Variants in CERS2 observed in about 807,000 individuals in gnomAD.
CERS2 encodes the protein ceramide synthase 2, also known as LAG1 homolog, ceramide synthase 2.
In CERS2, 20 loss-of-function variants were observed where a neutral mutation model predicts 56.6. The observed-to-expected ratio is 0.35, with a 90% CI of 0.25 to 0.51. The LOEUF is 0.51. Among genes scored for constraint, CERS2 ranks in the 20% least tolerant of loss-of-function variants. CERS2 has a pLI of 0.96. For missense variants in CERS2, 361 were observed against 488.6 expected, an observed-to-expected ratio of 0.74 and a Z score of 2.46; for synonymous variants, 187 against 175.4, an observed-to-expected ratio of 1.07 and a Z score of -0.52.
Position 150,967,157 on chromosome 1 carries a change from T to C in CERS2, c.658A>G (p.Ile220Val), listed in dbSNP as rs1355832020. The C allele has an allele frequency of 6.2e-7, 1 of 1,612,938 alleles. No homozygotes were observed. The highest frequency in any genetic ancestry group is 1.7e-5 in the Admixed American group (1 of 60,018). Residue 220 changes from isoleucine (I) to valine (V), a missense_variant, in exon 8 of 11, where the codon ATC (isoleucine) becomes GTC (valine). Physicochemically the swap from Ile to Val is conservative, Grantham distance 29. Coordinates refer to ENST00000368954, the MANE Select transcript of CERS2 (RefSeq NM_022075.5). The stretch of plus-strand genomic sequence containing the variant: ...TAATTGGCAAACCAGGAAAAGCTGA[T>C]GAGAATGATGGTGGCCACATGGTGG... ...IIHHVATIIL[I>V]SFSWFANYIR...
intron 1 of CERS2, among the ~76,000 whole-genome samples, chr1:150,973,644 G>C (rs1456708332): frequency 6.6e-6 from 1 of 152,198 alleles, no homozygotes; most frequent in Non-Finnish European, 1.5e-5. Flanking sequence ...CCCCGGTGCG[G>C]TCATCCCGAC....
chr1:150,966,270 T>C lies in CERS2; in HGVS notation c.1021A>G (p.Ser341Gly). The change falls in exon 11 of 11, where the codon AGT becomes GGT. Residue 341 changes from serine to glycine, a missense_variant. Ser to Gly is a moderately conservative substitution (Grantham distance 56). Transcript: ENST00000368954. The stretch of plus-strand genomic sequence containing the variant: ...GAGCTCTCTGTTTCTTCCCGGTCAC[T>C]GCGTTCATCTTCTACCAGCTGTGGA... The part of the protein sequence containing the change: ...ITGKLVEDER[S>G]DREETESSEG... The C allele has an allele frequency of 6.2e-7, 1 of 1,612,146 alleles. No homozygotes were observed. Among genetic ancestry groups the C allele is most frequent in the Non-Finnish European group, 8.5e-7 (1 of 1,179,458 alleles).
In CERS2 at chr1:150,968,514, T is replaced by G. The variant is rs745876310; in HGVS notation, c.174-2A>C. The G allele has an allele frequency of 6.2e-7, 1 of 1,608,776 alleles. No individual in the cohort carries two copies. The highest frequency in any genetic ancestry group is 8.5e-7 in the Non-Finnish European group (1 of 1,175,292). The stretch of plus-strand genomic sequence containing the variant: ...GCAGCCAGTGGTGTAGCCACGTACC[T>G]GGGGAAGGGATATGAGTAAGGTATC... On this transcript the variant is annotated splice_acceptor_variant, in intron 2 of 10. Transcript: ENST00000368954. LOFTEE classifies it high-confidence loss of function.
Position 150,965,609 on chromosome 1 carries a change from G to C in CERS2, c.*539C>G, listed in dbSNP as rs1216445335. On this transcript the variant is annotated 3_prime_UTR_variant, in exon 11 of 11. Transcript: ENST00000368954. ...CCACTTTTTGGCAGAGGTAGGGTAA[G>C]GGTTATGTGCACCCTCCTCCTACCC... 6.5e-6 allele frequency: 1 copy of C among 153,264 alleles called. No homozygotes were observed. The highest frequency in any genetic ancestry group is 6.5e-5 in the Admixed American group (1 of 15,284). The allele number at this position is 153,264 out of a possible 1,614,324, so 9.5% of individuals were successfully genotyped here.
chr1:150,967,881 G>A lies in CERS2; in HGVS notation c.411-4C>T. On this transcript the variant is annotated splice_region_variant and splice_polypyrimidine_tract_variant and intron_variant, in intron 4 of 10. Coordinates refer to ENST00000368954, the MANE Select transcript of CERS2 (RefSeq NM_022075.5). ...CAGGTAAAATGTGAATCTCCAGCTG[G>A]CAGAGGAAGCAGAAATGGCTAGGTC... 2 of 1,610,136 alleles carry A rather than the reference G, an allele frequency of 1.2e-6. No individual in the cohort carries two copies. The highest frequency in any genetic ancestry group is 2.2e-5 in the South Asian group (2 of 90,974).
intron 6 of CERS2, 58 bp downstream of exon 6, chr1:150,967,606 C>A: frequency 6.6e-7 from 1 of 1,512,934 alleles, no homozygotes; most frequent in Non-Finnish European, 9.2e-7. Flanking sequence ...TTCCACAAAC[C>A]GTCTCTTCAC....
chr1:150,967,525 GT>G lies in CERS2; in HGVS notation c.520-42del, dbSNP rs769034701. On this transcript the variant is annotated intron_variant, in intron 6 of 10. Transcript: ENST00000368954. ...GAGGTAAGAGCAACCAGCCGCAAGG[GT>G]GTCCCCACTCCACAAACCCCCTAGC... is the stretch of plus-strand genomic sequence containing the variant. 4 of 1,402,102 alleles carry G rather than the reference GT, an allele frequency of 2.9e-6. No individual in the cohort carries two copies. The South Asian group carries it at 4.6e-5, about 16-fold the overall frequency. The allele number at this position is 1,402,102 out of a possible 1,614,324, so 86.9% of individuals were successfully genotyped here.
chr1:150,967,826 A>T lies in CERS2; in HGVS notation c.462T>A (p.Ile154=). The change falls in exon 5 of 11, where the codon ATT becomes ATA. Residue 154 remains isoleucine (I), a synonymous_variant. Transcript: ENST00000368954. Reference sequence around the variant, plus strand: ...CCCAGTAATCCCCACTCACATCCACAATGACGGCCATGCCGGCAATGAAGG... The same window carrying T: ...CCCAGTAATCCCCACTCACATCCACTATGACGGCCATGCCGGCAATGAAGG... ...LIAFIAGMAV[I]VDKPWFYDMK... 1 of 1,613,778 alleles carries T rather than the reference A, an allele frequency of 6.2e-7. No individual in the cohort carries two copies. The highest frequency in any genetic ancestry group is 8.5e-7 in the Non-Finnish European group (1 of 1,179,692).
intron 1 of CERS2, among the ~76,000 whole-genome samples, chr1:150,970,761 G>A (rs1028555721): frequency 1.3e-5 from 2 of 152,162 alleles, no homozygotes; most frequent in African/African-American, 2.4e-5. Context: ...CAAGCAACCT[G>A]CCAGCCTTGG....
In CERS2 at chr1:150,966,036, TCTC is replaced by T. The variant is rs1473475885; in HGVS notation, c.*109_*111del. 10 of 1,134,970 alleles carry T rather than the reference TCTC, an allele frequency of 8.8e-6. No homozygotes were observed. The highest frequency in any genetic ancestry group is 1.1e-5 in the Non-Finnish European group (9 of 811,752). 70.3% of individuals were successfully genotyped at this position (1,134,970 alleles called of 1,614,324 possible). ...AGCAAGGAGGGAGGATGCAGAGAACTCTCCTCTCACTTTCTCCTTTTTCCCCAG... is the reference window on the plus strand; with the variant it reads ...AGCAAGGAGGGAGGATGCAGAGAACTCTCTCACTTTCTCCTTTTTCCCCAG... On this transcript the variant is annotated 3_prime_UTR_variant, in exon 11 of 11. Transcript: ENST00000368954.
In CERS2 at chr1:150,974,683, T is replaced by TCCGAGGCC. The variant is rs1363690481; in HGVS notation, c.-74_-67dup. The TCCGAGGCC allele has an allele frequency of 3.6e-4, 54 of 148,854 alleles. No homozygotes were observed. The highest frequency in any genetic ancestry group is 1.0e-3 in the African/African-American group (42 of 40,288). The allele number at this position is 148,854 out of a possible 1,614,324, so 9.2% of individuals were successfully genotyped here. A position where few individuals can be genotyped will look rare whatever the true frequency, so the allele number is the denominator to read the frequency against. ...GTACTCCGTCTGCTCGGGTGGTTGC[T>TCCGAGGCC]CCGAGGCCCCGAGGCCTGGCTCCCC... On this transcript the variant is annotated 5_prime_UTR_variant, in exon 1 of 11. Transcript: ENST00000368954.
chr1:150,966,495 T>C lies in CERS2; in HGVS notation c.983A>G (p.His328Arg). ...CTTCACCTTTCCAGTTATGAACTTGTGGGCCATGCGCAAAATGAGGTAGGC... is the reference window on the plus strand; with the variant it reads ...CTTCACCTTTCCAGTTATGAACTTGCGGGCCATGCGCAAAATGAGGTAGGC... Reference protein sequence around the residue: ...FWAYLILRMAHKFITGKLVED... With the variant: ...FWAYLILRMARKFITGKLVED... Residue 328 changes from histidine (H) to arginine (R), a missense_variant, in exon 10 of 11, where the codon CAC (histidine) becomes CGC (arginine). By Grantham distance (29) the His-to-Arg change is conservative. Transcript: ENST00000368954. 6.2e-7 allele frequency: 1 copy of C among 1,614,122 alleles called. No individual in the cohort carries two copies. Among genetic ancestry groups the C allele is most frequent in the Non-Finnish European group, 8.5e-7 (1 of 1,180,024 alleles).
At chr1:150,968,616 C>G (rs2102769285) in intron 2 of CERS2, 104 bp from the exon 3 acceptor site, 1 of 954,820 alleles carries the variant, frequency 1.0e-6, no homozygotes, top group East Asian at 2.4e-5. Flanking sequence ...TTCCTGGCAA[C>G]CCCCTTTTCT....
chr1:150,967,268 C>G (rs11204750), intron 7 of CERS2, 66 bp from the exon 8 acceptor site: 1 of 1,565,314 alleles, frequency 6.4e-7, no homozygotes, highest in Non-Finnish European at 8.8e-7. Context: ...CCTTCTTACC[C>G]CTTGCCTTTG....
intron 1 of CERS2, chr1:150,971,757 A>C: frequency 2.3e-6 from 1 of 431,476 alleles, no homozygotes; most frequent in Non-Finnish European, 4.8e-6. Flanking sequence ...AGAAGGGACA[A>C]TGCGGAACAC....
At chr1:150,968,886 G>A (rs781584014) in intron 2 of CERS2, 32 bp downstream of exon 2, 57 of 1,598,218 alleles carry the variant, frequency 3.6e-5, no homozygotes, top group Non-Finnish European at 4.9e-5. Flanking sequence ...CTGGCAACAG[G>A]GGAAGGCATG....
chr1:150,966,646 A>G lies in CERS2; in HGVS notation c.849-17T>C, dbSNP rs1383673730. The G allele has an allele frequency of 6.2e-7, 1 of 1,613,730 alleles. No homozygotes were observed. On this transcript the variant is annotated splice_polypyrimidine_tract_variant and intron_variant, in intron 9 of 10. Transcript: ENST00000368954. The stretch of plus-strand genomic sequence containing the variant: ...TGCAGGATCCTGAGGATTCAAGGAG[A>G]GAGAGAACGTGGACAAGAGCAGGTC...
Position 150,968,927 on chromosome 1 carries a change from A to T in CERS2, c.164T>A (p.Phe55Tyr), listed in dbSNP as rs1336863710. 3 of 1,613,326 alleles carry T rather than the reference A, an allele frequency of 1.9e-6. No homozygotes were observed. Among genetic ancestry groups the T allele is most frequent in the Non-Finnish European group, 2.5e-6 (3 of 1,179,942 alleles). ...AGGCTGGCATGCTTACAGCTCAAAG[A>T]AGTATCGAACGATGAGGAAGAGCAA... is the stretch of plus-strand genomic sequence containing the variant. ...LALLFLIVRY[F>Y]FELYVATPLA... The change falls in exon 2 of 11, where the codon TTC (phenylalanine) becomes TAC (tyrosine). Residue 55 changes from phenylalanine (F) to tyrosine (Y), a missense_variant. Phe to Tyr is a conservative substitution (Grantham distance 22). Transcript: ENST00000368954.
chr1:150,970,799 T>A (rs1452761494), intron 1 of CERS2, among the ~76,000 whole-genome samples: 1 of 152,192 alleles, frequency 6.6e-6, no homozygotes, highest in Non-Finnish European at 1.5e-5. Flanking sequence ...ATTACAGGCA[T>A]GAGCCACGGT....
Sources: gnomAD v4.1 joint callset for allele counts (sites outside exome capture counted in the v4.1 genomes callset) on GRCh38, gnomAD v4.1.1 for gene constraint, MANE v1.5 for transcripts, NCBI Gene and HGNC (gene_info 2026-07-23, HGNC 2026-07-21) for gene names.